WARS2: variants seen among roughly 807,000 people sequenced by gnomAD.
WARS2 encodes tryptophanyl tRNA synthetase 2, mitochondrial, also known as tryptophan--tRNA ligase, mitochondrial.
Under a neutral mutation model 36.5 loss-of-function variants are expected in WARS2, and 28 were observed. The observed-to-expected ratio is 0.77, with a 90% CI of 0.57 to 1.05. The LOEUF (loss-of-function observed/expected upper bound fraction) is 1.05. Ranked by LOEUF, WARS2 falls within the 50% of genes least tolerant of loss-of-function variation. The pLI, the probability that WARS2 is intolerant of heterozygous loss-of-function variation, is 0.00. For missense variants in WARS2, 435 were observed against 456.8 expected (o/e 0.95, Z 0.44); for synonymous variants, 174 against 178.4 (o/e 0.98, Z 0.20).
At chr1:119,059,284 T>A (rs1377820492) in intron 2 of WARS2, among the ~76,000 whole-genome samples, 1 of 146,676 alleles carries the variant, frequency 6.8e-6, no homozygotes, top group Non-Finnish European at 1.5e-5. Flanking sequence ...TAGTTTCTTT[T>A]GCTGTGCAGA....
chr1:119,094,418 T>C (rs1411965289), intron 1 of WARS2, among the ~76,000 whole-genome samples: 1 of 152,112 alleles, frequency 6.6e-6, no homozygotes, highest in South Asian at 2.1e-4. Flanking sequence ...TTTGGCATAA[T>C]TACCCCAGCC....
chr1:119,063,080 T>C (rs1650515578), intron 2 of WARS2: 1 of 152,380 alleles, frequency 6.6e-6, no homozygotes, highest in Non-Finnish European at 1.5e-5. Context: ...AAAATGCTGA[T>C]AGTGATATGG....
At chr1:119,128,974 T>C (rs1655893570) in intron 1 of WARS2, among the ~76,000 whole-genome samples, 1 of 152,156 alleles carries the variant, frequency 6.6e-6, no homozygotes, top group Non-Finnish European at 1.5e-5. Context: ...TGTTCTATTT[T>C]AGAATGTTAG....
At position 119,032,180 on chromosome 1, in the gene WARS2, G is replaced by A. The variant is rs1647480230; in HGVS notation, c.*731C>T. The stretch of plus-strand genomic sequence containing the variant: ...ATGACAATAATTCTCCTAATTCATA[G>A]GGGGTTGGTGAGACTAAACTGAAAT... On this transcript the variant is annotated 3_prime_UTR_variant, in exon 6 of 6. Coordinates refer to ENST00000235521, the MANE Select transcript of WARS2 (RefSeq NM_015836.4). 6.6e-6 allele frequency: 1 copy of A among 152,152 alleles called. No individual in the cohort carries two copies. 9.4% of individuals were successfully genotyped at this position (152,152 alleles called of 1,614,324 possible). A position where few individuals can be genotyped will look rare whatever the true frequency, so the allele number is the denominator to read the frequency against.
At chr1:119,053,895 AT>A (rs1484373236) in intron 2 of WARS2, among the ~76,000 whole-genome samples, 1 of 150,536 alleles carries the variant, frequency 6.6e-6, no homozygotes. Context: ...CCCCCAACCA[AT>A]TTTTTTTTAA....
intron 1 of WARS2, among the ~76,000 whole-genome samples, chr1:119,109,786 C>A (rs951829029): frequency 6.6e-6 from 1 of 151,822 alleles, no homozygotes; most frequent in African/African-American, 2.4e-5. Context: ...TTGTCTTCCA[C>A]ACTTTTCTGC....
At chr1:119,137,106 G>C (rs1656561243) in intron 1 of WARS2, among the ~76,000 whole-genome samples, 2 of 152,174 alleles carry the variant, frequency 1.3e-5, no homozygotes, top group South Asian at 4.1e-4. Context: ...GAAAGGGACA[G>C]TGAAAAAACT....
intron 1 of WARS2, chr1:119,086,060 A>G: frequency 1.6e-6 from 2 of 1,237,508 alleles, no homozygotes; most frequent in Admixed American, 2.3e-5. Context: ...AGGTCTTGCT[A>G]TCTTGCCCAG....
chr1:119,073,487 C>G (rs1651488859), intron 2 of WARS2, among the ~76,000 whole-genome samples: 1 of 152,128 alleles, frequency 6.6e-6, no homozygotes, highest in African/African-American at 2.4e-5. Flanking sequence ...AGATGAGTAC[C>G]TCCCTTAAAT....
chr1:119,039,956 C>A (rs770375496), intron 4 of WARS2, among the ~76,000 whole-genome samples: 23 of 151,986 alleles, frequency 1.5e-4, no homozygotes, highest in Non-Finnish European at 2.8e-4. Context: ...GACATTCTGG[C>A]AATGACCTTT....
intron 1 of WARS2, among the ~76,000 whole-genome samples, chr1:119,115,209 G>A (rs1369735818): frequency 6.6e-6 from 1 of 152,166 alleles, no homozygotes; most frequent in Non-Finnish European, 1.5e-5. Context: ...AGTAAGTGCT[G>A]TCTATAAGAA....
intron 1 of WARS2, among the ~76,000 whole-genome samples, chr1:119,132,972 T>C (rs1288305645): frequency 1.3e-5 from 2 of 152,206 alleles, no homozygotes; most frequent in African/African-American, 4.8e-5. Context: ...CTTCTGCCAC[T>C]TCTTGAAGAA....
At chr1:119,070,809 T>C (rs1480585237) in intron 2 of WARS2, among the ~76,000 whole-genome samples, 2 of 152,100 alleles carry the variant, frequency 1.3e-5, no homozygotes, top group African/African-American at 4.8e-5. Flanking sequence ...GAAAATGATA[T>C]GATTATTTTC....
chr1:119,104,110 A>C (rs1005452655), intron 1 of WARS2, among the ~76,000 whole-genome samples: 1 of 151,304 alleles, frequency 6.6e-6, no homozygotes, highest in African/African-American at 2.4e-5. Context: ...TGAGCCACTG[A>C]GCCAGGCCTT....
At chr1:119,085,906 C>G (rs1297296715) in intron 1 of WARS2, 4 of 1,610,464 alleles carry the variant, frequency 2.5e-6, no homozygotes, top group Admixed American at 1.7e-5. Flanking sequence ...AGCTGGACCT[C>G]TCGCTCATTC....
At chr1:119,136,195 C>T (rs1656498946) in intron 1 of WARS2, among the ~76,000 whole-genome samples, 1 of 152,024 alleles carries the variant, frequency 6.6e-6, no homozygotes, top group African/African-American at 2.4e-5. Flanking sequence ...AACTTGCAGT[C>T]ATTCGAAAGA....
intron 4 of WARS2, among the ~76,000 whole-genome samples, chr1:119,038,266 T>C (rs1249926196): frequency 6.6e-6 from 1 of 152,204 alleles, no homozygotes; most frequent in Admixed American, 6.5e-5. Context: ...TATGTGGATA[T>C]GAGCAGACTA....
intron 5 of WARS2, 140 bp from the exon 6 acceptor site, chr1:119,033,499 T>C (rs1420138279): frequency 2.9e-6 from 3 of 1,032,216 alleles, no homozygotes; most frequent in African/African-American, 1.6e-5. Context: ...AAATGTGATA[T>C]CCATTCAGTA....
At chr1:119,084,175 C>T (rs1387061651) in intron 1 of WARS2, among the ~76,000 whole-genome samples, 2 of 25,958 alleles carry the variant, frequency 7.7e-5, no homozygotes, top group Non-Finnish European at 1.4e-4. Context: ...ACAACTACGT[C>T]GGCTAATTTT....
Sources: gnomAD v4.1 joint callset for allele counts (sites outside exome capture counted in the v4.1 genomes callset) on GRCh38, gnomAD v4.1.1 for gene constraint, MANE v1.5 for transcripts, NCBI Gene and HGNC (gene_info 2026-07-23, HGNC 2026-07-21) for gene names.